PACS2: variants seen among roughly 807,000 people sequenced by gnomAD.
PACS2 encodes PACS1-like protein.
A neutral mutation model predicts 113.0 loss-of-function variants in PACS2; 36 were observed. The ratio of observed to expected loss-of-function variants is 0.32; its 90% CI spans 0.24 to 0.42. The LOEUF (loss-of-function observed/expected upper bound fraction) is 0.42. Ranked by LOEUF, PACS2 falls within the 10% of genes least tolerant of loss-of-function variation. The pLI is 1.00. For missense variants in PACS2, 1,015 were observed against 1,239.5 expected (o/e 0.82, Z 2.72); for synonymous variants, 589 against 536.1 (o/e 1.10, Z -1.36).
At chr14:105,349,339 T>C (rs2060066385) in intron 2 of PACS2, among the ~76,000 whole-genome samples, 1 of 151,958 alleles carries the variant, frequency 6.6e-6, no homozygotes, top group African/African-American at 2.4e-5. Context: ...CATACAGGAG[T>C]GTCCTTCTGT....
In PACS2 at chr14:105,355,641, G is replaced by T. The variant is rs782258399; in HGVS notation, c.423+464G>T. 6.6e-6 allele frequency among the ~76,000 whole-genome samples: 1 copy of T among 152,212 alleles called. No homozygotes were observed. The highest frequency in any genetic ancestry group is 1.5e-5 in the Non-Finnish European group (1 of 68,040). ...TGTGAAGGGGCTAGCGACAATACCC[G>T]AGCAGGGCGGGGGCAGCACCCAGAG... On this transcript the variant is annotated intron_variant, in intron 4 of 24. Coordinates refer to ENST00000447393, the MANE Select transcript of PACS2 (RefSeq NM_001100913.3). This position sits in a 1 kb window ranked among gnomAD's most constrained non-coding sequence, Gnocchi z 4.1.
At chr14:105,360,310 C>CG (rs2060629646) in intron 4 of PACS2, among the ~76,000 whole-genome samples, 1 of 151,950 alleles carries the variant, frequency 6.6e-6, no homozygotes, top group South Asian at 2.1e-4. Flanking sequence ...GAGGCCAAGG[C>CG]GGGCGTATCA....
chr14:105,325,292 T>C (rs587595520), intron 1 of PACS2, among the ~76,000 whole-genome samples: 1 of 152,162 alleles, frequency 6.6e-6, no homozygotes, highest in East Asian at 1.9e-4. Flanking sequence ...AGGAGACAGA[T>C]GGGTTCTAAT....
In PACS2 at chr14:105,359,816, C is replaced by T. The variant is rs1371146605; in HGVS notation, c.423+4639C>T. Among the ~76,000 whole-genome samples the T allele has an allele frequency of 5.9e-5, 9 of 152,274 alleles. No homozygotes were observed. In the East Asian group the frequency reaches 1.7e-3, roughly 29 times the overall value. ...CCGTGTTAGCCAAGATGGTCTCGAT[C>T]TCCTGACCTCGCGATCCGCCCACCT... On this transcript the variant is annotated intron_variant, in intron 4 of 24. Coordinates refer to ENST00000447393, the MANE Select transcript of PACS2 (RefSeq NM_001100913.3).
upstream of PACS2, chr14:105,314,404 G>C (rs2058455892): frequency 6.6e-6 from 1 of 151,052 alleles, no homozygotes; most frequent in Non-Finnish European, 1.5e-5. Context: ...GCCTGAAGCT[G>C]GCCGGGACCC....
chr14:105,353,482 C>T (rs2060314826), intron 3 of PACS2, among the ~76,000 whole-genome samples: 1 of 152,082 alleles, frequency 6.6e-6, no homozygotes. Flanking sequence ...TTTGTCTCAT[C>T]ATTGCCATCA....
chr14:105,381,403 C>T (rs781887040), intron 12 of PACS2, among the ~76,000 whole-genome samples: 1 of 152,230 alleles, frequency 6.6e-6, no homozygotes, highest in African/African-American at 2.4e-5. Flanking sequence ...AAAAGACACA[C>T]ATACACCAGC....
At position 105,352,338 on chromosome 14, in the gene PACS2, T is replaced by C. The variant is rs369612776; in HGVS notation, c.208-40T>C. ...GTCTTTGCCTGGTTTCCTGCTGATA[T>C]GCAGTCCTTTGAGCTAGAACAGGTC... On this transcript the variant is annotated intron_variant, in intron 2 of 24. Coordinates refer to ENST00000447393, the MANE Select transcript of PACS2 (RefSeq NM_001100913.3). 2.6e-5 allele frequency: 34 copies of C among 1,299,208 alleles called. 1 individual carries two copies. Among genetic ancestry groups the C allele is most frequent in the African/African-American group, 2.0e-4 (14 of 68,966 alleles). The allele number at this position is 1,299,208 out of a possible 1,614,324, so 80.5% of individuals were successfully genotyped here. A position where few individuals can be genotyped will look rare whatever the true frequency, so the allele number is the denominator to read the frequency against.
chr14:105,339,911 T>C (rs2059662620), intron 1 of PACS2, among the ~76,000 whole-genome samples: 1 of 152,170 alleles, frequency 6.6e-6, no homozygotes, highest in Admixed American at 6.5e-5. Flanking sequence ...CCCGAAGTCC[T>C]GGGATTACAG....
chr14:105,383,547 CAG>C, intron 16 of PACS2, 34 bp downstream of exon 16: 1 of 1,551,176 alleles, frequency 6.4e-7, no homozygotes, highest in Non-Finnish European at 8.7e-7. Context: ...GGCCTGGGCA[CAG>C]ATGCCACGGG....
rs35726049 is a variant in PACS2, at chr14:105,362,290, C to T, written c.424-4923C>T. Among the ~76,000 whole-genome samples, 897 of 150,642 alleles carry T rather than the reference C, an allele frequency of 6.0e-3. 8 individuals are homozygous for T. Among genetic ancestry groups the T allele is most frequent in the Middle Eastern group, 0.014 (4 of 280 alleles). On this transcript the variant is annotated intron_variant, in intron 4 of 24. Coordinates refer to ENST00000447393, the MANE Select transcript of PACS2 (RefSeq NM_001100913.3). ...AAAATTAGCTGGGCGTGGTGGCGGG[C>T]GCCTGTAGTCCCAGCTACTCGGGAG...
chr14:105,330,893 T>C lies in PACS2; in HGVS notation c.119+15856T>C. The stretch of plus-strand genomic sequence containing the variant: ...GCCTCTACCGGCATCTCACGTGATG[T>C]CAACCTTCTGGGTCCTTGGGGCCTA... On this transcript the variant is annotated intron_variant, in intron 1 of 24. Transcript: ENST00000447393. This position sits in a 1 kb window ranked among gnomAD's most constrained non-coding sequence, Gnocchi z 6.9. Among the ~76,000 whole-genome samples the C allele has an allele frequency of 6.6e-6, 1 of 152,124 alleles. No homozygotes were observed. Among genetic ancestry groups the C allele is most frequent in the Non-Finnish European group, 1.5e-5 (1 of 68,012 alleles).
intron 1 of PACS2, among the ~76,000 whole-genome samples, chr14:105,318,093 T>C (rs1039854692): frequency 1.6e-4 from 25 of 152,376 alleles, no homozygotes; most frequent in African/African-American, 5.0e-4. Context: ...TACCTTGCCC[T>C]TCCCACTTGA....
intron 13 of PACS2, among the ~76,000 whole-genome samples, 172 bp from the exon 14 acceptor site, chr14:105,382,305 A>G (rs2081022046): frequency 6.6e-6 from 1 of 152,136 alleles, no homozygotes; most frequent in Non-Finnish European, 1.5e-5. Flanking sequence ...GGGCAGCCTC[A>G]TTGCTTGGCT....
In PACS2 at chr14:105,382,539, C is replaced by T. The variant is rs782613727; in HGVS notation, c.1476C>T (p.Pro492=). ...NHILISDDQL[P]ENIILVNTSD... ...TCCTCATCTCCGATGACCAGCTTCCCGAAAACATCATCCTTGTCAACACCT... is the reference window on the plus strand; with the variant it reads ...TCCTCATCTCCGATGACCAGCTTCCTGAAAACATCATCCTTGTCAACACCT... The change falls in exon 14 of 25, where the codon CCC becomes CCT. Residue 492 remains proline (P), a synonymous_variant. Transcript: ENST00000447393. 1.1e-5 allele frequency: 18 copies of T among 1,613,032 alleles called. No individual in the cohort carries two copies. The highest frequency in any genetic ancestry group is 2.7e-5 in the African/African-American group (2 of 74,902).
intron 7 of PACS2, 126 bp downstream of exon 7, chr14:105,368,665 C>T (rs1555408615): frequency 1.4e-6 from 1 of 710,624 alleles, no homozygotes; most frequent in Non-Finnish European, 2.5e-6. Context: ...GCAGCATGTC[C>T]CGTGGCAGAC....
At chr14:105,314,289 T>G (rs1310556270), upstream of PACS2, 8 of 148,062 alleles carry the variant, frequency 5.4e-5, no homozygotes, top group Non-Finnish European at 1.0e-4. Flanking sequence ...GCGGGGAGAC[T>G]CGGGGCATGG....
chr14:105,301,803 A>G (rs1004269463), intron 1 of PACS2, among the ~76,000 whole-genome samples: 2 of 152,224 alleles, frequency 1.3e-5, no homozygotes, highest in Non-Finnish European at 2.9e-5. Context: ...GCTGTTCACA[A>G]TCGCCATAGG....
chr14:105,338,365 A>G (rs782079268), intron 1 of PACS2, among the ~76,000 whole-genome samples: 1 of 152,112 alleles, frequency 6.6e-6, no homozygotes, highest in African/African-American at 2.4e-5. Context: ...GGGTGCTGGG[A>G]TATGGTGCCT....
Sources: gnomAD v4.1 joint callset for allele counts (sites outside exome capture counted in the v4.1 genomes callset) on GRCh38, gnomAD v4.1.1 for gene constraint, Gnocchi (gnomAD v3.1) non-coding constraint, MANE v1.5 for transcripts, NCBI Gene and HGNC (gene_info 2026-07-23, HGNC 2026-07-21) for gene names.